The following LDHAL6A variants were observed in gnomAD, a reference collection of about 807,000 sequenced individuals.
The protein encoded by LDHAL6A is L-lactate dehydrogenase A-like 6A.
A neutral mutation model predicts 28.2 loss-of-function variants in LDHAL6A; 19 were observed. The observed-to-expected ratio is 0.67, with a 90% CI of 0.47 to 0.99. The LOEUF is 0.99. Ranked by LOEUF, LDHAL6A falls within the 50% of genes least tolerant of loss-of-function variation. The pLI is 0.00. For synonymous variants in LDHAL6A, 144 were observed against 134.4 expected, an observed-to-expected ratio of 1.07 and a Z score of -0.49; for missense variants, 372 against 398.6, an observed-to-expected ratio of 0.93 and a Z score of 0.57.
chr11:18,466,844 C>CA (rs1335723816), intron 3 of LDHAL6A, among the ~76,000 whole-genome samples: 2 of 152,006 alleles, frequency 1.3e-5, no homozygotes, highest in Non-Finnish European at 2.9e-5. Context: ...ACAAGGTGGA[C>CA]AAACTGAAAA....
intron 1 of LDHAL6A, among the ~76,000 whole-genome samples, chr11:18,462,665 AAC>A (rs60240584): frequency 0.093 from 12,875 of 139,032 alleles, 1,607 homozygotes; most frequent in African/African-American, 0.22. Flanking sequence ...CAAAAAAAAA[AAC>A]AAAAAAAACC....
intron 5 of LDHAL6A, 105 bp downstream of exon 5, chr11:18,476,606 AT>A: frequency 1.3e-6 from 2 of 1,482,684 alleles, no homozygotes; most frequent in Admixed American, 2.4e-5. Context: ...TATTTCCCAT[AT>A]TTTTATTTGC....
At chr11:18,474,983 G>A (rs978444970) in intron 3 of LDHAL6A, among the ~76,000 whole-genome samples, 1 of 152,186 alleles carries the variant, frequency 6.6e-6, no homozygotes, top group Non-Finnish European at 1.5e-5. Flanking sequence ...GCTCACGCCT[G>A]TAGTCCGAAC....
At chr11:18,470,780 G>A (rs1449846502) in intron 3 of LDHAL6A, among the ~76,000 whole-genome samples, 1 of 151,242 alleles carries the variant, frequency 6.6e-6, no homozygotes, top group Non-Finnish European at 1.5e-5. Context: ...TCCACCTCCC[G>A]GGTTCAAGCA....
At chr11:18,478,570 GAA>G in intron 6 of LDHAL6A, 134 bp from the exon 7 acceptor site, 1 of 650,624 alleles carries the variant, frequency 1.5e-6, no homozygotes, top group Non-Finnish European at 2.5e-6. Context: ...AAAAAAAAAA[GAA>G]AAAAGTTCTC....
At chr11:18,463,422 G>A (rs2133867947) in intron 1 of LDHAL6A, among the ~76,000 whole-genome samples, 1 of 152,244 alleles carries the variant, frequency 6.6e-6, no homozygotes, top group East Asian at 1.9e-4. Context: ...GGACTTCTCA[G>A]CCTCCATAAC....
intron 3 of LDHAL6A, among the ~76,000 whole-genome samples, chr11:18,468,010 TATAC>T (rs1849152125): frequency 2.9e-5 from 2 of 69,806 alleles, no homozygotes; most frequent in Non-Finnish European, 5.1e-5. Context: ...TACGTATATA[TATAC>T]ATATATATAC....
Position 18,477,722 on chromosome 11 carries a change from T to A in LDHAL6A, c.813T>A (p.His271Gln). The A allele has an allele frequency of 6.2e-7, 1 of 1,610,188 alleles. No homozygotes were observed. Among genetic ancestry groups the A allele is most frequent in the Admixed American group, 1.7e-5 (1 of 59,148 alleles). The change falls in exon 6 of 7, where the codon CAT becomes CAA. Residue 271 changes from histidine (H) to glutamine (Q), a missense_variant. His to Gln is a conservative substitution (Grantham distance 24). Transcript: ENST00000280706. Reference protein sequence around the residue: ...ESILKNLRRVHPVSTLSKGLY... With the variant: ...ESILKNLRRVQPVSTLSKGLY... ...TTTTGAAGAATCTTAGGAGAGTGCA[T>A]CCAGTTTCTACCCTAAGTAAGGTAG...
intron 1 of LDHAL6A, among the ~76,000 whole-genome samples, chr11:18,458,282 C>T (rs1037767931): frequency 6.6e-6 from 1 of 152,128 alleles, no homozygotes; most frequent in Non-Finnish European, 1.5e-5. Context: ...GAGTGCATTC[C>T]ATTGCAACTG....
intron 3 of LDHAL6A, among the ~76,000 whole-genome samples, chr11:18,474,890 TTAAAA>T (rs1399638317): frequency 5.3e-5 from 8 of 152,218 alleles, no homozygotes; most frequent in African/African-American, 1.9e-4. Flanking sequence ...TATTTTATGG[TTAAAA>T]TAACACTTGT....
chr11:18,463,117 C>T (rs1848968787), intron 1 of LDHAL6A, among the ~76,000 whole-genome samples: 1 of 151,966 alleles, frequency 6.6e-6, no homozygotes. Context: ...AATCCATTTG[C>T]TGTGGTTTGA....
intron 1 of LDHAL6A, among the ~76,000 whole-genome samples, chr11:18,462,603 C>T (rs1464432492): frequency 4.1e-5 from 6 of 145,570 alleles, no homozygotes; most frequent in Admixed American, 2.1e-4. Context: ...CGCCACTGCA[C>T]TCCAGCCTGG....
intron 1 of LDHAL6A, among the ~76,000 whole-genome samples, chr11:18,461,766 C>A (rs1042559404): frequency 3.3e-5 from 5 of 150,140 alleles, no homozygotes; most frequent in Non-Finnish European, 5.9e-5. Flanking sequence ...GCAGGAAAAT[C>A]GCTTGAACCC....
intron 5 of LDHAL6A, among the ~76,000 whole-genome samples, chr11:18,477,359 T>G (rs1241334831): frequency 1.3e-5 from 2 of 151,586 alleles, no homozygotes; most frequent in Admixed American, 1.3e-4. Context: ...CTCAGGAGGC[T>G]GAGGAGGGAA....
intron 1 of LDHAL6A, among the ~76,000 whole-genome samples, chr11:18,457,246 G>A (rs1432275460): frequency 5.3e-5 from 8 of 151,650 alleles, no homozygotes; most frequent in Non-Finnish European, 8.8e-5. Context: ...ATTTCCCTTC[G>A]TTCCTTATTC....
chr11:18,465,875 A>T (rs1027333018), intron 3 of LDHAL6A, 65 bp downstream of exon 3: 9 of 1,318,500 alleles, frequency 6.8e-6, no homozygotes, highest in Non-Finnish European at 9.7e-6. Flanking sequence ...GGTTCATTAC[A>T]TGAGTATACT....
chr11:18,458,936 T>G (rs1171639139), intron 1 of LDHAL6A, among the ~76,000 whole-genome samples: 2 of 152,240 alleles, frequency 1.3e-5, no homozygotes, highest in East Asian at 3.8e-4. Flanking sequence ...ACTTTCATTT[T>G]TATAAATAAG....
chr11:18,462,498 G>GGGCA (rs1848942039), intron 1 of LDHAL6A, among the ~76,000 whole-genome samples: 2 of 151,920 alleles, frequency 1.3e-5, no homozygotes, highest in Non-Finnish European at 2.9e-5. Flanking sequence ...TTAGCCAGGT[G>GGGCA]TGGTGGCGGG....
At chr11:18,478,612 A>AT in intron 6 of LDHAL6A, 94 bp from the exon 7 acceptor site, 1 of 997,008 alleles carries the variant, frequency 1.0e-6, no homozygotes. Flanking sequence ...AGTTCGTACT[A>AT]TACCAATCTG....
Sources: allele counts gnomAD v4.1 joint callset (sites outside exome capture counted in the v4.1 genomes callset), GRCh38; gene constraint gnomAD v4.1.1; transcripts MANE v1.5; gene names NCBI Gene and HGNC (gene_info 2026-07-23, HGNC 2026-07-21).